The following ROBO2 variants were observed in gnomAD, a reference collection of about 807,000 sequenced individuals.
ROBO2 encodes roundabout guidance receptor 2.
Under a neutral mutation model 160.8 loss-of-function variants are expected in ROBO2, and 53 were observed. The ratio of observed to expected loss-of-function variants is 0.33; its 90% confidence interval spans 0.26 to 0.41. ROBO2 has a LOEUF of 0.41. ROBO2 is among the 10% of genes least tolerant of loss of function. ROBO2 has a pLI of 1.00. For missense variants in ROBO2, 1,577 were observed against 1,722.4 expected, an observed-to-expected ratio of 0.92 and a Z score of 1.49; for synonymous variants, 664 against 611.7, an observed-to-expected ratio of 1.09 and a Z score of -1.26.
At chr3:77,110,365 T>C (rs2073410949) in intron 2 of ROBO2, among the ~76,000 whole-genome samples, 1 of 152,196 alleles carries the variant, frequency 6.6e-6, no homozygotes, top group Non-Finnish European at 1.5e-5. Context: ...TTCATTGCTA[T>C]ATGTATTTGT....
At chr3:76,408,931 G>A (rs931651444) in intron 2 of ROBO2, among the ~76,000 whole-genome samples, 4 of 151,954 alleles carry the variant, frequency 2.6e-5, no homozygotes, top group Admixed American at 2.0e-4. Context: ...TCAGTTTAGA[G>A]TAACATTTGG....
At chr3:76,988,517 A>G (rs2149359571) in intron 2 of ROBO2, among the ~76,000 whole-genome samples, 1 of 152,274 alleles carries the variant, frequency 6.6e-6, no homozygotes, top group Non-Finnish European at 1.5e-5. Flanking sequence ...GAAATGTAGA[A>G]GACAGTACTC....
At chr3:75,912,724 T>C (rs989825250) in intron 1 of ROBO2, among the ~76,000 whole-genome samples, 2 of 152,202 alleles carry the variant, frequency 1.3e-5, no homozygotes, top group African/African-American at 2.4e-5. Flanking sequence ...AAGTTATACA[T>C]ACTGGTATAA....
Position 76,585,713 on chromosome 3 carries a change from A to G in ROBO2, c.110-512301A>G, listed in dbSNP as rs560316511. 2.0e-5 allele frequency among the ~76,000 whole-genome samples: 3 copies of G among 152,312 alleles called. No individual in the cohort carries two copies. The South Asian group carries it at 6.2e-4, about 32-fold the overall frequency. On this transcript the variant is annotated intron_variant, in intron 2 of 26. Transcript: ENST00000487694. ...GTATATGACTGATTAAAAATAATCA[A>G]CTAGTTGGTACCTTTAGAAAAACCA...
At chr3:76,065,299 G>A (rs367544028) in intron 2 of ROBO2, among the ~76,000 whole-genome samples, 4 of 152,058 alleles carry the variant, frequency 2.6e-5, no homozygotes, top group Non-Finnish European at 4.4e-5. Flanking sequence ...GTAGCAATTA[G>A]TGCTTATTAT....
At chr3:77,014,264 C>T (rs1023215279) in intron 2 of ROBO2, among the ~76,000 whole-genome samples, 2 of 152,146 alleles carry the variant, frequency 1.3e-5, no homozygotes, top group Non-Finnish European at 2.9e-5. Context: ...TACATTCCCA[C>T]ACTACGACCT....
intron 2 of ROBO2, among the ~76,000 whole-genome samples, chr3:76,039,021 G>A (rs1253227787): frequency 6.6e-6 from 1 of 151,906 alleles, no homozygotes; most frequent in Non-Finnish European, 1.5e-5. Context: ...TCTTACTGAA[G>A]AGTTTAGAAG....
chr3:76,737,749 T>C (rs1008646400), intron 2 of ROBO2, among the ~76,000 whole-genome samples: 1 of 152,204 alleles, frequency 6.6e-6, no homozygotes, highest in African/African-American at 2.4e-5. Flanking sequence ...GGGTTGGCAG[T>C]CAGGTAAACC....
At chr3:76,797,638 T>C (rs992994804) in intron 2 of ROBO2, among the ~76,000 whole-genome samples, 2 of 151,292 alleles carry the variant, frequency 1.3e-5, no homozygotes, top group Non-Finnish European at 3.0e-5. Context: ...AACAAAAAAG[T>C]GATTTTTGAA....
At position 76,341,336 on chromosome 3, in the gene ROBO2, G is replaced by T. The variant is rs548076303; in HGVS notation, c.109+403734G>T. Among the ~76,000 whole-genome samples the T allele has an allele frequency of 1.0e-4, 15 of 148,310 alleles. No homozygotes were observed. The Middle Eastern group carries it at 0.01, about 103-fold the overall frequency. On this transcript the variant is annotated intron_variant, in intron 2 of 26. Transcript: ENST00000487694. ...GTTCCTTTTCTCTAATGCCTCTGCT[G>T]TCCCCTACTACGGGTCCAATCCAGC...
At chr3:76,659,843 G>A (rs2091743124) in intron 2 of ROBO2, among the ~76,000 whole-genome samples, 1 of 152,114 alleles carries the variant, frequency 6.6e-6, no homozygotes, top group Non-Finnish European at 1.5e-5. Flanking sequence ...CCATGGCCAG[G>A]GTGTGTCCTG....
intron 2 of ROBO2, among the ~76,000 whole-genome samples, chr3:76,190,401 G>A (rs1025536689): frequency 6.6e-6 from 1 of 152,054 alleles, no homozygotes; most frequent in Non-Finnish European, 1.5e-5. Flanking sequence ...TAAAAACGAA[G>A]TATGTATCAT....
chr3:76,498,404 A>G (rs2080270396), intron 2 of ROBO2, among the ~76,000 whole-genome samples: 1 of 152,124 alleles, frequency 6.6e-6, no homozygotes, highest in Non-Finnish European at 1.5e-5. Context: ...ACTATAGTCA[A>G]TAACAGTATA....
intron 2 of ROBO2, among the ~76,000 whole-genome samples, chr3:77,422,217 G>A (rs1178041504): frequency 6.6e-6 from 1 of 152,178 alleles, no homozygotes; most frequent in Non-Finnish European, 1.5e-5. Flanking sequence ...GCGAAATCAA[G>A]TTGGTGTAGA....
intron 2 of ROBO2, among the ~76,000 whole-genome samples, chr3:77,175,103 T>C (rs1264128410): frequency 3.3e-5 from 5 of 152,090 alleles, no homozygotes; most frequent in Non-Finnish European, 7.4e-5. Flanking sequence ...GTTGTATTAC[T>C]ATTCTCATTC....
intron 2 of ROBO2, among the ~76,000 whole-genome samples, chr3:76,045,891 T>A (rs976092894): frequency 8.5e-5 from 13 of 152,086 alleles, no homozygotes; most frequent in African/African-American, 3.1e-4. Flanking sequence ...TATTTTTATT[T>A]TTTATTTATT....
intron 2 of ROBO2, among the ~76,000 whole-genome samples, chr3:76,937,975 T>C (rs1250151338): frequency 1.3e-5 from 2 of 152,190 alleles, no homozygotes; most frequent in Non-Finnish European, 2.9e-5. Flanking sequence ...AACACCAGCA[T>C]GGCACTGGGT....
intron 1 of ROBO2, among the ~76,000 whole-genome samples, chr3:75,936,358 A>G (rs1030325563): frequency 7.9e-5 from 12 of 152,320 alleles, no homozygotes; most frequent in African/African-American, 2.9e-4. Flanking sequence ...TTTTGAATAA[A>G]GCATTCATTC....
intron 2 of ROBO2, among the ~76,000 whole-genome samples, chr3:77,194,910 A>G (rs1217576748): frequency 1.3e-5 from 2 of 152,206 alleles, no homozygotes; most frequent in African/African-American, 4.8e-5. Context: ...ATTAGTATAA[A>G]TATTTAATTT....
Sources: gnomAD v4.1 joint callset for allele counts (sites outside exome capture counted in the v4.1 genomes callset) on GRCh38, gnomAD v4.1.1 for gene constraint, MANE v1.5 for transcripts, NCBI Gene and HGNC (gene_info 2026-07-23, HGNC 2026-07-21) for gene names.